The following LIMK2 variants were observed in gnomAD, a reference collection of about 807,000 sequenced individuals.
LIMK2 encodes LIM domain kinase 2.
Under a neutral mutation model 75.7 loss-of-function variants are expected in LIMK2, and 35 were observed. That is an observed-to-expected ratio of 0.46 (90% CI 0.35 to 0.61). The LOEUF (loss-of-function observed/expected upper bound fraction) is 0.61, where lower values mean the gene tolerates loss of function less well. LIMK2 is among the 20% of genes least tolerant of loss of function. The pLI, the probability that LIMK2 is intolerant of heterozygous loss-of-function variation, is 0.00. For synonymous variants in LIMK2, 301 were observed against 319.2 expected (o/e 0.94, Z 0.61); for missense variants, 623 against 831.0 (o/e 0.75, Z 3.08).
intron 2 of LIMK2, among the ~76,000 whole-genome samples, chr22:31,236,379 G>A (rs560652482): frequency 9.3e-5 from 14 of 149,916 alleles, no homozygotes; most frequent in East Asian, 2.0e-4. Flanking sequence ...AGGCCTAGGC[G>A]GGAGGATTGC....
At chr22:31,240,002 A>C (rs2123799316) in intron 2 of LIMK2, among the ~76,000 whole-genome samples, 1 of 152,310 alleles carries the variant, frequency 6.6e-6, no homozygotes, top group Middle Eastern at 3.4e-3. Context: ...CATCAAAACC[A>C]GGGCCTCAAG....
chr22:31,232,571 G>A (rs1481131868), intron 2 of LIMK2, among the ~76,000 whole-genome samples: 2 of 152,120 alleles, frequency 1.3e-5, no homozygotes, highest in African/African-American at 2.4e-5. Flanking sequence ...TGGGGGATAC[G>A]GAGTTGGCAT....
intron 2 of LIMK2, among the ~76,000 whole-genome samples, chr22:31,242,455 C>G (rs1287205282): frequency 1.3e-5 from 2 of 152,202 alleles, no homozygotes; most frequent in African/African-American, 2.4e-5. Flanking sequence ...GAACATTACA[C>G]TTTGGAGATA....
intron 7 of LIMK2, 134 bp from the exon 8 acceptor site, chr22:31,265,812 C>A (rs575814322): frequency 3.0e-6 from 2 of 668,732 alleles, no homozygotes; most frequent in East Asian, 2.6e-5. Flanking sequence ...ATGTAAGAGC[C>A]CCTGTTCCCC....
At chr22:31,259,255 C>A in intron 4 of LIMK2, 25 bp downstream of exon 4, 1 of 1,447,896 alleles carries the variant, frequency 6.9e-7, no homozygotes, top group Non-Finnish European at 9.7e-7. Context: ...CTTTGTCTAT[C>A]CTCTCCCATA....
At chr22:31,223,491 A>C (rs1170955129) in intron 1 of LIMK2, among the ~76,000 whole-genome samples, 1 of 152,210 alleles carries the variant, frequency 6.6e-6, no homozygotes, top group Non-Finnish European at 1.5e-5. Flanking sequence ...GTGGCTCTAA[A>C]ATAATGAGAT....
intron 2 of LIMK2, among the ~76,000 whole-genome samples, chr22:31,241,576 A>G (rs1254587640): frequency 3.3e-5 from 5 of 152,092 alleles, no homozygotes; most frequent in African/African-American, 1.2e-4. Flanking sequence ...GGGTTCCTTC[A>G]ATGTGTCTCC....
intron 15 of LIMK2, chr22:31,277,062 ACC>A (rs1569005858): frequency 6.2e-7 from 1 of 1,613,802 alleles, no homozygotes; most frequent in Non-Finnish European, 8.5e-7. Flanking sequence ...ACTGTTACAA[ACC>A]CACAGAGGCC....
At position 31,259,782 on chromosome 22, in the gene LIMK2, T is replaced by A. The variant is rs117969296; in HGVS notation, c.363-107T>A. 1,024 of 885,154 alleles carry A rather than the reference T, an allele frequency of 1.2e-3. 1 individual carries two copies. Among genetic ancestry groups the A allele is most frequent in the Non-Finnish European group, 1.4e-3 (844 of 613,360 alleles). 54.8% of individuals were successfully genotyped at this position (885,154 alleles called of 1,614,324 possible). A position where few individuals can be genotyped will look rare whatever the true frequency, so the allele number is the denominator to read the frequency against. ...GCTAGAATCATGACAAAGAGGGTGG[T>A]AGTGAGACTATGGGTACTGTTGCTT... On this transcript the variant is annotated intron_variant, in intron 4 of 15. Coordinates refer to ENST00000331728, the MANE Select transcript of LIMK2 (RefSeq NM_005569.4).
chr22:31,243,820 C>T (rs2048643591), intron 2 of LIMK2, among the ~76,000 whole-genome samples: 1 of 152,168 alleles, frequency 6.6e-6, no homozygotes, highest in Non-Finnish European at 1.5e-5. Context: ...ATATATCCTC[C>T]AGTGTGACAT....
chr22:31,249,839 G>C (rs1430494135), intron 2 of LIMK2, among the ~76,000 whole-genome samples: 2 of 152,156 alleles, frequency 1.3e-5, no homozygotes, highest in Non-Finnish European at 2.9e-5. Flanking sequence ...ACAGGGGGAA[G>C]GGGGAAGGGA....
chr22:31,246,183 GCACACACACA>G (rs57524309), intron 2 of LIMK2, among the ~76,000 whole-genome samples: 11 of 135,096 alleles, frequency 8.1e-5, no homozygotes, highest in East Asian at 6.3e-4. Context: ...ACGCACGCAC[GCACACACACA>G]CACACACACA....
chr22:31,212,417 G>A lies in LIMK2; in HGVS notation c.9G>A (p.Ala3=). MS[A]LAGEDVWRCP... ...TCCGCGCTCCCGGGACCATGTCCGC[G>A]CTGGCGGGTAAGGAAGGGCTGCTCC... Residue 3 remains alanine (A), a synonymous_variant, in exon 1 of 16, where the codon GCG becomes GCA. Coordinates refer to ENST00000331728, the MANE Select transcript of LIMK2 (RefSeq NM_005569.4). 2.2e-6 allele frequency: 3 copies of A among 1,336,648 alleles called. No individual in the cohort carries two copies. The highest frequency in any genetic ancestry group is 1.9e-6 in the Non-Finnish European group (2 of 1,033,328). 82.8% of individuals were successfully genotyped at this position (1,336,648 alleles called of 1,614,324 possible).
At chr22:31,253,787 AGG>A (rs2048749591) in intron 2 of LIMK2, among the ~76,000 whole-genome samples, 1 of 152,242 alleles carries the variant, frequency 6.6e-6, no homozygotes, top group Non-Finnish European at 1.5e-5. Flanking sequence ...CTGCTACCGT[AGG>A]GTTGTCAGGA....
At chr22:31,220,658 A>G (rs1327265660) in intron 1 of LIMK2, among the ~76,000 whole-genome samples, 2 of 152,198 alleles carry the variant, frequency 1.3e-5, no homozygotes, top group African/African-American at 4.8e-5. Context: ...AACTTTAAAG[A>G]AAGGATAGAA....
chr22:31,225,945 T>C, intron 2 of LIMK2, 126 bp downstream of exon 2: 5 of 754,988 alleles, frequency 6.6e-6, no homozygotes, highest in Non-Finnish European at 1.1e-5. Context: ...GGGAAAGGAA[T>C]GTACCAAGGA....
chr22:31,239,050 A>G (rs1269632136), intron 2 of LIMK2, among the ~76,000 whole-genome samples: 2 of 152,230 alleles, frequency 1.3e-5, no homozygotes, highest in African/African-American at 4.8e-5. Context: ...CATATAGACA[A>G]ATATCAGCTG....
chr22:31,240,986 A>G (rs1403757591), intron 2 of LIMK2, among the ~76,000 whole-genome samples: 2 of 152,204 alleles, frequency 1.3e-5, no homozygotes, highest in African/African-American at 2.4e-5. Flanking sequence ...CCTGCCTCTG[A>G]GGGTTATTGT....
chr22:31,264,594 G>C (rs372540124), intron 7 of LIMK2, among the ~76,000 whole-genome samples: 7 of 152,328 alleles, frequency 4.6e-5, no homozygotes, highest in Middle Eastern at 3.4e-3. Flanking sequence ...CAGGAAACAT[G>C]GACAGGTACA....
Sources: gnomAD v4.1 joint callset for allele counts (sites outside exome capture counted in the v4.1 genomes callset) on GRCh38, gnomAD v4.1.1 for gene constraint, MANE v1.5 for transcripts, NCBI Gene and HGNC (gene_info 2026-07-23, HGNC 2026-07-21) for gene names.